HCRTR2: variants seen among roughly 807,000 people sequenced by gnomAD.
HCRTR2 encodes orexin receptor type 2.
HCRTR2 carries 22 observed loss-of-function variants against 49.0 expected under a neutral mutation model. The ratio of observed to expected loss-of-function variants is 0.45; its 90% CI spans 0.32 to 0.64. The LOEUF (loss-of-function observed/expected upper bound fraction) is 0.64. HCRTR2 is among the 30% of genes least tolerant of loss of function. HCRTR2 has a pLI of 0.04. For missense variants in HCRTR2, 491 were observed against 559.4 expected, an observed-to-expected ratio of 0.88 and a Z score of 1.23; for synonymous variants, 236 against 205.3, an observed-to-expected ratio of 1.15 and a Z score of -1.28.
intron 1 of HCRTR2, among the ~76,000 whole-genome samples, chr6:55,161,694 A>G (rs1366112257): frequency 6.6e-6 from 1 of 152,182 alleles, no homozygotes; most frequent in African/African-American, 2.4e-5. Flanking sequence ...ATCAGAGAAT[A>G]CTATAGACAC....
At chr6:55,229,990 G>T (rs1766083926) in intron 1 of HCRTR2, among the ~76,000 whole-genome samples, 1 of 152,122 alleles carries the variant, frequency 6.6e-6, no homozygotes. Context: ...AAACAAAATG[G>T]AAGGTCCCCA....
chr6:55,127,496 C>A (rs1255831103), intron 1 of HCRTR2, among the ~76,000 whole-genome samples: 1 of 152,140 alleles, frequency 6.6e-6, no homozygotes, highest in African/African-American at 2.4e-5. Flanking sequence ...AGCTGCAGAC[C>A]AGAGCTCTTC....
rs117719148 is a variant in HCRTR2, at chr6:55,153,135, C to T, written c.-377-21076C>T. Among the ~76,000 whole-genome samples the T allele has an allele frequency of 3.3e-5, 5 of 152,084 alleles. No homozygotes were observed. The East Asian group carries it at 9.7e-4, about 29-fold the overall frequency. On this transcript the variant is annotated intron_variant, in intron 1 of 7. Transcript: ENST00000615358. ...TGGATATCCAGTTTTCACAGCACTG[C>T]TTGTTACCCTCAGCAAAGAACAGTT...
chr6:55,121,970 G>A (rs1764206390), intron 1 of HCRTR2, among the ~76,000 whole-genome samples: 1 of 152,088 alleles, frequency 6.6e-6, no homozygotes, highest in South Asian at 2.1e-4. Flanking sequence ...GGATGATGGT[G>A]GCCTCATAAA....
At chr6:55,162,424 G>T (rs1205465935) in intron 1 of HCRTR2, among the ~76,000 whole-genome samples, 1 of 152,116 alleles carries the variant, frequency 6.6e-6, no homozygotes, top group African/African-American at 2.4e-5. Context: ...TTAAAAACTG[G>T]CACAAGACAA....
chr6:55,245,488 T>TATATATATATATATATATAC (rs1282011452), intron 1 of HCRTR2, among the ~76,000 whole-genome samples: 2 of 132,500 alleles, frequency 1.5e-5, no homozygotes, highest in African/African-American at 5.7e-5. Flanking sequence ...TATATATATA[T>TATATATATATATATATATAC]ATATATATAT....
At chr6:55,142,065 A>T (rs1764514738) in intron 1 of HCRTR2, among the ~76,000 whole-genome samples, 1 of 152,224 alleles carries the variant, frequency 6.6e-6, no homozygotes, top group African/African-American at 2.4e-5. Flanking sequence ...ACATATGCCA[A>T]CATAAAGTAA....
At chr6:55,239,845 T>C (rs1234424511) in intron 1 of HCRTR2, among the ~76,000 whole-genome samples, 9 of 147,794 alleles carry the variant, frequency 6.1e-5, no homozygotes, top group African/African-American at 2.3e-4. Context: ...TGGCACGATC[T>C]CGGCTCACTG....
intron 1 of HCRTR2, among the ~76,000 whole-genome samples, chr6:55,136,689 C>T (rs1764439176): frequency 6.6e-6 from 1 of 152,122 alleles, no homozygotes; most frequent in African/African-American, 2.4e-5. Context: ...ATTCAAGTCT[C>T]CTGCATCCAA....
At chr6:55,273,011 C>G (rs2127328067) in intron 4 of HCRTR2, among the ~76,000 whole-genome samples, 1 of 152,038 alleles carries the variant, frequency 6.6e-6, no homozygotes, top group Non-Finnish European at 1.5e-5. Context: ...GAAAGTGGAG[C>G]TATTCATAGT....
chr6:55,151,201 A>G (rs546805787), intron 1 of HCRTR2, among the ~76,000 whole-genome samples: 2 of 152,106 alleles, frequency 1.3e-5, no homozygotes, highest in African/African-American at 2.4e-5. Context: ...TAAGACAGCA[A>G]CGAAGCTAGC....
At chr6:55,192,478 A>G (rs1765336753) in intron 1 of HCRTR2, among the ~76,000 whole-genome samples, 1 of 151,974 alleles carries the variant, frequency 6.6e-6, no homozygotes, top group African/African-American at 2.4e-5. Context: ...GGTCCCAGAT[A>G]CTTGGGAGGC....
intron 1 of HCRTR2, among the ~76,000 whole-genome samples, chr6:55,223,344 G>C (rs115102382): frequency 0.02 from 3,032 of 152,234 alleles, 88 homozygotes; most frequent in African/African-American, 0.068. Context: ...TTCATAAGTT[G>C]ATTCTATTCT....
In HCRTR2 at chr6:55,282,378, T is replaced by A. The variant is rs1257487605; in HGVS notation, c.1259T>A (p.Leu420His). ...AGCAACTTTGATAACATATCAAAAC[T>A]TTCTGAGCAAGTTGTGCTCACTAGC... The part of the protein sequence containing the change: ...QISNFDNISK[L>H]SEQVVLTSIS... The change falls in exon 7 of 7, where the codon CTT becomes CAT. Residue 420 changes from leucine (L) to histidine (H), a missense_variant. Transcript: ENST00000370862. 1 of 1,613,536 alleles carries A rather than the reference T, an allele frequency of 6.2e-7. No individual in the cohort carries two copies. Among genetic ancestry groups the A allele is most frequent in the Non-Finnish European group, 8.5e-7 (1 of 1,179,786 alleles).
intron 1 of HCRTR2, among the ~76,000 whole-genome samples, chr6:55,202,671 C>G (rs141913904): frequency 6.6e-6 from 1 of 152,056 alleles, no homozygotes; most frequent in Admixed American, 6.6e-5. Context: ...ATATTAATCT[C>G]GTTCATGAAG....
chr6:55,180,862 C>G (rs1023283709), intron 1 of HCRTR2, among the ~76,000 whole-genome samples: 1 of 151,650 alleles, frequency 6.6e-6, no homozygotes, highest in Non-Finnish European at 1.5e-5. Flanking sequence ...TGCAGTGGCA[C>G]AATCTCGTCT....
chr6:55,229,528 A>C (rs1030253439), intron 1 of HCRTR2, among the ~76,000 whole-genome samples: 1 of 152,202 alleles, frequency 6.6e-6, no homozygotes, highest in African/African-American at 2.4e-5. Flanking sequence ...TATGGTCTAC[A>C]CATACAATGG....
At chr6:55,201,565 T>C (rs1481963033) in intron 1 of HCRTR2, among the ~76,000 whole-genome samples, 1 of 152,140 alleles carries the variant, frequency 6.6e-6, no homozygotes, top group Non-Finnish European at 1.5e-5. Context: ...CATTTATAAA[T>C]ATGTTTTTAA....
chr6:55,108,228 G>A (rs190998338), intron 1 of HCRTR2, among the ~76,000 whole-genome samples: 3 of 152,036 alleles, frequency 2.0e-5, no homozygotes, highest in East Asian at 1.9e-4. Flanking sequence ...CCTTCAGATC[G>A]GGAAAATGGT....
Sources: gnomAD v4.1 joint callset for allele counts (sites outside exome capture counted in the v4.1 genomes callset) on GRCh38, gnomAD v4.1.1 for gene constraint, MANE v1.5 for transcripts, NCBI Gene and HGNC (gene_info 2026-07-23, HGNC 2026-07-21) for gene names.